Variants in NHLRC2 observed in about 807,000 individuals in gnomAD.
The protein encoded by NHLRC2 is NHL repeat containing 2, also known as NHL repeat-containing protein 2.
NHLRC2 carries 33 observed loss-of-function variants against 68.1 expected under a neutral mutation model. That is an observed-to-expected ratio of 0.48 (90% CI 0.37 to 0.65). NHLRC2 has a LOEUF of 0.65. Ranked by LOEUF, NHLRC2 falls within the 30% of genes least tolerant of loss-of-function variation. NHLRC2 has a pLI of 0.00. For synonymous variants in NHLRC2, 311 were observed against 309.6 expected (o/e 1.00, Z -0.05); for missense variants, 761 against 853.8 (o/e 0.89, Z 1.35).
chr10:113,899,647 C>T (rs1368173607), intron 6 of NHLRC2, among the ~76,000 whole-genome samples: 2 of 152,086 alleles, frequency 1.3e-5, no homozygotes, highest in African/African-American at 2.4e-5. Context: ...CGGCTGGGTG[C>T]GGTGGGTCAC....
chr10:113,898,221 C>CTA lies in NHLRC2; in HGVS notation c.1139+12_1139+13insTA. ...CTGCCAAAGAAAAAGTAAGTGACAG[C>CTA]CTCTCTCTTTGAGTAGACTGTACTA... is the stretch of plus-strand genomic sequence containing the variant. On this transcript the variant is annotated intron_variant, in intron 6 of 10. Coordinates refer to ENST00000369301, the MANE Select transcript of NHLRC2 (RefSeq NM_198514.4). 6.4e-7 allele frequency: 1 copy of CTA among 1,551,060 alleles called. No individual in the cohort carries two copies. The highest frequency in any genetic ancestry group is 8.9e-7 in the Non-Finnish European group (1 of 1,122,826).
chr10:113,876,904 G>T lies in NHLRC2; in HGVS notation c.715G>T (p.Val239Leu). 6.2e-7 allele frequency: 1 copy of T among 1,612,792 alleles called. No homozygotes were observed. Among genetic ancestry groups the T allele is most frequent in the Admixed American group, 1.7e-5 (1 of 59,872 alleles). Residue 239 changes from valine to leucine, a missense_variant, in exon 3 of 11, where the codon GTA becomes TTA. Val to Leu is a conservative substitution (Grantham distance 32, BLOSUM62 1). Coordinates refer to ENST00000369301, the MANE Select transcript of NHLRC2 (RefSeq NM_198514.4). ...VTVDQVTDRL[V>L]IADTGHHRIL... ...AGTAGACCAAGTTACTGATAGATTGGTAATAGCAGACACTGGACATCATAG... is the reference window on the plus strand; with the variant it reads ...AGTAGACCAAGTTACTGATAGATTGTTAATAGCAGACACTGGACATCATAG...
At chr10:113,877,928 G>T (rs1295803452) in intron 3 of NHLRC2, among the ~76,000 whole-genome samples, 1 of 152,130 alleles carries the variant, frequency 6.6e-6, no homozygotes, top group Non-Finnish European at 1.5e-5. Flanking sequence ...TACTCAAAAA[G>T]TGTCTTTTGT....
chr10:113,861,541 G>T (rs1285454505), intron 2 of NHLRC2, among the ~76,000 whole-genome samples: 1 of 152,188 alleles, frequency 6.6e-6, no homozygotes, highest in Non-Finnish European at 1.5e-5. Flanking sequence ...TGTCAACCAA[G>T]AATTCTATGA....
At chr10:113,871,102 G>A (rs558396436) in intron 2 of NHLRC2, among the ~76,000 whole-genome samples, 11 of 133,474 alleles carry the variant, frequency 8.2e-5, no homozygotes, top group South Asian at 7.5e-4. Context: ...TCGGTTCACC[G>A]CAACGTTTGC....
At chr10:113,861,832 T>G (rs1845818937) in intron 2 of NHLRC2, among the ~76,000 whole-genome samples, 1 of 152,208 alleles carries the variant, frequency 6.6e-6, no homozygotes, top group Non-Finnish European at 1.5e-5. Context: ...ATTTTTAAAA[T>G]TATTCTAAAA....
chr10:113,877,826 A>C (rs576237587), intron 3 of NHLRC2, among the ~76,000 whole-genome samples: 11 of 152,318 alleles, frequency 7.2e-5, no homozygotes, highest in African/African-American at 2.6e-4. Flanking sequence ...TAATATACCA[A>C]GATACAGTAT....
chr10:113,902,456 TA>T lies in NHLRC2; in HGVS notation c.1372-7del, dbSNP rs532975160. On this transcript the variant is annotated splice_polypyrimidine_tract_variant and intron_variant, in intron 7 of 10. Transcript: ENST00000369301. ...ATAATAACTGCTGTTTCTTTTCTTT[TA>T]AAAAAAATTAAAGAATTTATTTGCT... The T allele has an allele frequency of 2.1e-4, 312 of 1,521,296 alleles. 2 individuals are homozygous for T. The South Asian group carries it at 2.1e-3, about 10-fold the overall frequency. 94.2% of individuals were successfully genotyped at this position (1,521,296 alleles called of 1,614,324 possible). A position where few individuals can be genotyped will look rare whatever the true frequency, so the allele number is the denominator to read the frequency against.
In NHLRC2 at chr10:113,903,589, T is replaced by C. The variant is rs750685537; in HGVS notation, c.1557T>C (p.Asn519=). 5.0e-6 allele frequency: 8 copies of C among 1,612,818 alleles called. No individual in the cohort carries two copies. The Middle Eastern group carries it at 4.9e-4, about 100-fold the overall frequency. Residue 519 remains asparagine (N), a synonymous_variant, in exon 9 of 11, where the codon AAT becomes AAC. Coordinates refer to ENST00000369301, the MANE Select transcript of NHLRC2 (RefSeq NM_198514.4). ...CTTLAGTGDT[N]NVTSSSFTES... is the part of the protein sequence containing the mutation. ...CATTAGCAGGAACTGGAGACACAAA[T>C]AATGTTACCAGTTCCAGTTTTACAG...
intron 5 of NHLRC2, among the ~76,000 whole-genome samples, chr10:113,887,480 A>G (rs1483539046): frequency 6.6e-6 from 1 of 152,104 alleles, no homozygotes; most frequent in African/African-American, 2.4e-5. Context: ...AAGAAAATGT[A>G]TATCTAAGGC....
At chr10:113,862,922 C>A (rs1385204891) in intron 2 of NHLRC2, among the ~76,000 whole-genome samples, 1 of 152,184 alleles carries the variant, frequency 6.6e-6, no homozygotes, top group Non-Finnish European at 1.5e-5. Flanking sequence ...AGGAAGATCA[C>A]TTGAGGCCAG....
intron 2 of NHLRC2, among the ~76,000 whole-genome samples, chr10:113,868,080 C>CT (rs1845886469): frequency 6.6e-6 from 1 of 152,162 alleles, no homozygotes; most frequent in Non-Finnish European, 1.5e-5. Context: ...CCACGACCTC[C>CT]TGGGCTCAAG....
intron 5 of NHLRC2, among the ~76,000 whole-genome samples, chr10:113,890,109 CTG>C (rs1438479525): frequency 6.6e-6 from 1 of 152,222 alleles, no homozygotes; most frequent in Non-Finnish European, 1.5e-5. Context: ...AACTGCCAGA[CTG>C]TTTTCCACAG....
At chr10:113,896,967 C>T (rs1441253683) in intron 5 of NHLRC2, among the ~76,000 whole-genome samples, 2 of 149,040 alleles carry the variant, frequency 1.3e-5, no homozygotes, top group Admixed American at 1.3e-4. Flanking sequence ...GCACTCCAGC[C>T]TGGGGGACGG....
At chr10:113,858,738 G>A in intron 2 of NHLRC2, 58 bp downstream of exon 2, 1 of 1,275,826 alleles carries the variant, frequency 7.8e-7, no homozygotes, top group Non-Finnish European at 1.1e-6. Flanking sequence ...CTGGAAGAGT[G>A]GCTGACTCAT....
intron 5 of NHLRC2, among the ~76,000 whole-genome samples, chr10:113,894,463 A>G (rs767792356): frequency 2.8e-4 from 43 of 152,190 alleles, no homozygotes; most frequent in Non-Finnish European, 5.7e-4. Flanking sequence ...GTACCCAACA[A>G]CATTGCTAAA....
intron 5 of NHLRC2, among the ~76,000 whole-genome samples, chr10:113,895,970 C>A (rs918339168): frequency 1.3e-5 from 2 of 152,020 alleles, no homozygotes; most frequent in African/African-American, 2.4e-5. Flanking sequence ...AATGAGATAC[C>A]ATCTCACACC....
At chr10:113,902,429 T>G (rs1846237011) in intron 7 of NHLRC2, 42 bp from the exon 8 acceptor site, 1 of 1,330,406 alleles carries the variant, frequency 7.5e-7, no homozygotes, top group Non-Finnish European at 1.0e-6. Flanking sequence ...ACTGTAAAAA[T>G]TATAATAACT....
intron 5 of NHLRC2, among the ~76,000 whole-genome samples, chr10:113,894,568 T>C (rs1846161655): frequency 6.6e-6 from 1 of 152,170 alleles, no homozygotes; most frequent in Admixed American, 6.5e-5. Flanking sequence ...TTTGCTTCTT[T>C]TTCCTTCTTT....
Sources: allele counts gnomAD v4.1 joint callset (sites outside exome capture counted in the v4.1 genomes callset), GRCh38; gene constraint gnomAD v4.1.1; transcripts MANE v1.5; gene names NCBI Gene and HGNC (gene_info 2026-07-23, HGNC 2026-07-21).